The following BCKDHB variants were observed in gnomAD, a reference collection of about 807,000 sequenced individuals.
The protein encoded by BCKDHB is 2-oxoisovalerate dehydrogenase subunit beta, mitochondrial.
BCKDHB carries 41 observed loss-of-function variants against 48.5 expected under a neutral mutation model. That is an observed-to-expected ratio of 0.85 (90% CI 0.66 to 1.10). BCKDHB has a LOEUF of 1.10. Ranked by LOEUF, BCKDHB falls within the 50% of genes least tolerant of loss-of-function variation. The probability of loss-of-function intolerance (pLI) is 0.00; values close to 1 mark genes in which losing one functional copy is unlikely to be tolerated. For synonymous variants in BCKDHB, 201 were observed against 174.8 expected (o/e 1.15, Z -1.18); for missense variants, 496 against 494.2 (o/e 1.00, Z -0.03).
the BCKDHB span, among the ~76,000 whole-genome samples, chr6:80,360,360 T>C: frequency 3.9e-5 from 6 of 152,196 alleles, no homozygotes; most frequent in African/African-American, 1.4e-4. Context: ...GTTGACATCA[T>C]TGATTCCCAG....
rs1043491170 is a variant in BCKDHB, at chr6:80,271,049, T to C, written c.952-2086T>C. ...GTAAAAGTCTCTTTCCTACACTTCC[T>C]TCACTGCATTGCTCGGGAGAAACTA... On this transcript the variant is annotated intron_variant, in intron 8 of 9. Transcript: ENST00000320393. Among the ~76,000 whole-genome samples, 2 of 152,124 alleles carry C rather than the reference T, an allele frequency of 1.3e-5. 1 individual carries two copies. Among genetic ancestry groups the C allele is most frequent in the Admixed American group, 1.3e-4 (2 of 15,254 alleles).
intron 8 of BCKDHB, among the ~76,000 whole-genome samples, chr6:80,226,914 A>G (rs1706461399): frequency 6.6e-6 from 1 of 152,140 alleles, no homozygotes; most frequent in African/African-American, 2.4e-5. Context: ...TGGCTTTTCT[A>G]CTGGTTGCTG....
the BCKDHB span, among the ~76,000 whole-genome samples, chr6:80,380,647 A>G: frequency 2.0e-5 from 3 of 151,978 alleles, no homozygotes; most frequent in African/African-American, 7.2e-5. Context: ...TAATCAGACA[A>G]CCCACAGAAT....
At chr6:80,465,381 T>C in the BCKDHB span, among the ~76,000 whole-genome samples, 1 of 152,206 alleles carries the variant, frequency 6.6e-6, no homozygotes, top group South Asian at 2.1e-4. Flanking sequence ...GTCACAAATC[T>C]CACAGCTTTC....
At chr6:80,434,923 GT>G in the BCKDHB span, among the ~76,000 whole-genome samples, 1 of 152,098 alleles carries the variant, frequency 6.6e-6, no homozygotes. Context: ...ACTCAATGGT[GT>G]TTTTCCATAG....
chr6:80,354,890 C>G, the BCKDHB span, among the ~76,000 whole-genome samples: 31,231 of 152,116 alleles, frequency 0.21, 3,719 homozygotes, highest in South Asian at 0.37. Context: ...GTACTGTGCT[C>G]TTTTGATTAC....
At chr6:80,194,662 A>G (rs1465876144) in intron 6 of BCKDHB, among the ~76,000 whole-genome samples, 1 of 152,204 alleles carries the variant, frequency 6.6e-6, no homozygotes, top group Non-Finnish European at 1.5e-5. Flanking sequence ...AGAATATTAT[A>G]GAAGTGATAC....
chr6:80,170,690 G>A (rs944093217), intron 5 of BCKDHB, among the ~76,000 whole-genome samples: 3 of 152,086 alleles, frequency 2.0e-5, no homozygotes, highest in Admixed American at 6.6e-5. Context: ...CCTCATTCTC[G>A]AGAAGGTCCT....
intron 3 of BCKDHB, among the ~76,000 whole-genome samples, chr6:80,140,449 A>C (rs558619430): frequency 6.6e-6 from 1 of 150,562 alleles, no homozygotes; most frequent in Admixed American, 6.6e-5. Flanking sequence ...TTTGTCATCG[A>C]TAGCTCTTAT....
At chr6:80,341,371 G>A (rs2322757) in intron 9 of BCKDHB, among the ~76,000 whole-genome samples, 118,051 of 152,068 alleles carry the variant, frequency 0.78, 46,181 homozygotes, top group Admixed American at 0.84. Context: ...TACTGTTTTC[G>A]AAAAACCAAA....
chr6:80,212,842 A>T (rs563739489), intron 8 of BCKDHB, among the ~76,000 whole-genome samples: 1 of 152,330 alleles, frequency 6.6e-6, no homozygotes, highest in South Asian at 2.1e-4. Flanking sequence ...TGACCAGCTT[A>T]TGTGATACTG....
intron 6 of BCKDHB, among the ~76,000 whole-genome samples, chr6:80,191,444 A>G (rs1176358172): frequency 6.6e-6 from 1 of 152,152 alleles, no homozygotes. Flanking sequence ...GACTTACATT[A>G]CCAAAAGCAT....
intron 8 of BCKDHB, among the ~76,000 whole-genome samples, chr6:80,270,727 T>C (rs1777703014): frequency 6.6e-6 from 1 of 152,124 alleles, no homozygotes; most frequent in African/African-American, 2.4e-5. Context: ...GGCCAAGTGA[T>C]GAGCTGGATA....
the BCKDHB span, among the ~76,000 whole-genome samples, chr6:80,464,190 C>T: frequency 5.9e-5 from 9 of 152,032 alleles, no homozygotes; most frequent in Admixed American, 6.6e-5. Flanking sequence ...TGCAGTGGCG[C>T]GATCTTGGCT....
At chr6:80,304,694 T>C (rs1042241127) in intron 9 of BCKDHB, among the ~76,000 whole-genome samples, 2 of 152,156 alleles carry the variant, frequency 1.3e-5, no homozygotes, top group Non-Finnish European at 2.9e-5. Flanking sequence ...AAAGTTTTTA[T>C]AGCAAACTGA....
At chr6:80,297,753 G>C (rs1001040012) in intron 9 of BCKDHB, among the ~76,000 whole-genome samples, 15 of 152,114 alleles carry the variant, frequency 9.9e-5, no homozygotes, top group African/African-American at 3.6e-4. Context: ...ATCCATACTT[G>C]CAGAGATGAG....
intron 8 of BCKDHB, among the ~76,000 whole-genome samples, chr6:80,251,435 C>T (rs1168792973): frequency 6.6e-6 from 1 of 152,128 alleles, no homozygotes. Context: ...CAGTCTGTCA[C>T]AGGGATATGG....
chr6:80,218,829 G>A (rs975601760), intron 8 of BCKDHB, among the ~76,000 whole-genome samples: 6 of 151,908 alleles, frequency 3.9e-5, no homozygotes, highest in Non-Finnish European at 8.8e-5. Flanking sequence ...TTTTATAACC[G>A]AAATGAAATA....
At chr6:80,245,879 C>T (rs1351720896) in intron 8 of BCKDHB, among the ~76,000 whole-genome samples, 1 of 152,098 alleles carries the variant, frequency 6.6e-6, no homozygotes, top group African/African-American at 2.4e-5. Context: ...AATGCGAGAC[C>T]AGCCTGGGCA....
Sources: gnomAD v4.1 joint callset for allele counts (sites outside exome capture counted in the v4.1 genomes callset) on GRCh38, gnomAD v4.1.1 for gene constraint, MANE v1.5 for transcripts, NCBI Gene and HGNC (gene_info 2026-07-23, HGNC 2026-07-21) for gene names.